MANBA: variants seen among roughly 807,000 people sequenced by gnomAD.
MANBA encodes the protein beta-mannosidase.
Under a neutral mutation model 111.1 loss-of-function variants are expected in MANBA, and 83 were observed. The ratio of observed to expected loss-of-function variants is 0.75; its 90% CI spans 0.63 to 0.90. The LOEUF (loss-of-function observed/expected upper bound fraction) is 0.90. Among genes scored for constraint, MANBA ranks in the 40% least tolerant of loss-of-function variants. The pLI is 0.00. For synonymous variants in MANBA, 370 were observed against 378.7 expected (o/e 0.98, Z 0.27); for missense variants, 1,036 against 1,069.0 (o/e 0.97, Z 0.43).
chr4:102,712,307 A>C (rs1722108213), intron 5 of MANBA, among the ~76,000 whole-genome samples: 1 of 152,196 alleles, frequency 6.6e-6, no homozygotes, highest in South Asian at 2.1e-4. Context: ...TAATTCATAT[A>C]AAATTCACTC....
At chr4:102,706,663 T>C (rs1353765152) in intron 5 of MANBA, among the ~76,000 whole-genome samples, 1 of 151,970 alleles carries the variant, frequency 6.6e-6, no homozygotes, top group Admixed American at 6.6e-5. Flanking sequence ...ATTAAAGACA[T>C]TCATTGAGAT....
intron 5 of MANBA, among the ~76,000 whole-genome samples, chr4:102,696,746 T>C (rs1732727253): frequency 6.6e-6 from 1 of 152,164 alleles, no homozygotes; most frequent in Admixed American, 6.6e-5. Context: ...GCTCCCCCTT[T>C]TGCAGGCTCT....
intron 4 of MANBA, among the ~76,000 whole-genome samples, chr4:102,721,867 A>G (rs1255926820): frequency 6.6e-6 from 1 of 151,878 alleles, no homozygotes; most frequent in East Asian, 1.9e-4. Context: ...GTCTCTACAA[A>G]AAAAATACAA....
At chr4:102,657,219 G>A (rs999737234) in intron 12 of MANBA, among the ~76,000 whole-genome samples, 2 of 90,464 alleles carry the variant, frequency 2.2e-5, no homozygotes, top group African/African-American at 7.8e-5. Flanking sequence ...GAGAGGAGTG[G>A]GGTGGGGGGG....
chr4:102,680,956 C>T (rs1731951008), intron 7 of MANBA, among the ~76,000 whole-genome samples: 1 of 152,170 alleles, frequency 6.6e-6, no homozygotes, highest in African/African-American at 2.4e-5. Context: ...CAATATAGGC[C>T]TATCTGACCA....
In MANBA at chr4:102,650,617, A is replaced by T; in HGVS notation, c.1789T>A (p.Tyr597Asn). Residue 597 changes from tyrosine to asparagine, a missense_variant, in exon 13 of 17, where the codon TAT (tyrosine) becomes AAT (asparagine). Transcript: ENST00000647097. ...HHEGGNKQML[Y>N]QAGLHFKLPQ... ...AGTTTGAAATGAAGTCCAGCCTGAT[A>T]AAGCATTTGTTTGTTACCACCTTCG... 1 of 1,613,494 alleles carries T rather than the reference A, an allele frequency of 6.2e-7. No individual in the cohort carries two copies. The highest frequency in any genetic ancestry group is 1.7e-5 in the Admixed American group (1 of 59,998).
At chr4:102,699,475 T>C (rs1462167261) in intron 5 of MANBA, among the ~76,000 whole-genome samples, 1 of 151,344 alleles carries the variant, frequency 6.6e-6, no homozygotes, top group African/African-American at 2.4e-5. Flanking sequence ...GCCCATTCAG[T>C]ATGATATTGG....
Position 102,668,973 on chromosome 4 carries a change from A to C in MANBA, c.1307T>G (p.Val436Gly). The change falls in exon 10 of 17, where the codon GTT (valine) becomes GGT (glycine). Residue 436 changes from valine (V) to glycine (G), a missense_variant. Coordinates refer to ENST00000647097, the MANE Select transcript of MANBA (RefSeq NM_005908.4). ...AGGGTAGTAACATACCTGGTAGGCA[A>C]CTTCTGCTGTCACTGAATCCAGGAA... ...QGFLDSVTAE[V>G]AYQIKRLKSH... 6.2e-7 allele frequency: 1 copy of C among 1,612,598 alleles called. No homozygotes were observed. The highest frequency in any genetic ancestry group is 8.5e-7 in the Non-Finnish European group (1 of 1,178,746).
chr4:102,692,386 T>A (rs946434171), intron 5 of MANBA, among the ~76,000 whole-genome samples: 2 of 151,976 alleles, frequency 1.3e-5, no homozygotes, highest in African/African-American at 4.8e-5. Context: ...TTCGAAGAGG[T>A]TTTGAAGTAG....
At chr4:102,709,350 GGAAGAAAAGAAAAGAA>G in intron 5 of MANBA, among the ~76,000 whole-genome samples, 1 of 130,890 alleles carries the variant, frequency 7.6e-6, no homozygotes, top group African/African-American at 3.0e-5. Context: ...AAGGAAGGAA[GGAAGAAAAGAAAAGAA>G]AAAGAAAGGA....
chr4:102,709,326 AAAAG>A (rs572653241), intron 5 of MANBA, among the ~76,000 whole-genome samples: 3 of 119,858 alleles, frequency 2.5e-5, no homozygotes, highest in East Asian at 2.1e-4. Flanking sequence ...AAAGAAAAGA[AAAAG>A]AAAGGAAGGA....
chr4:102,742,910 A>T (rs1249627136), intron 1 of MANBA, among the ~76,000 whole-genome samples: 1 of 89,220 alleles, frequency 1.1e-5, no homozygotes, highest in Non-Finnish European at 2.2e-5. Flanking sequence ...GCTGCTGGCA[A>T]ATTGGACACT....
intron 1 of MANBA, chr4:102,729,465 C>A: frequency 3.1e-6 from 4 of 1,280,916 alleles, no homozygotes; most frequent in Non-Finnish European, 3.4e-6. Flanking sequence ...AGATCTGGGA[C>A]TGCAGCTCCT....
At chr4:102,636,159 G>A (rs1174441029) in intron 14 of MANBA, 152 bp from the exon 15 acceptor site, 9 of 706,236 alleles carry the variant, frequency 1.3e-5, no homozygotes, top group African/African-American at 7.0e-5. Context: ...TTTGTGAAGC[G>A]CTCTGAGCAC....
rs184840251 is a variant in MANBA, at chr4:102,731,996, C to T, written c.178-5313G>A. 2.9e-3 allele frequency among the ~76,000 whole-genome samples: 445 copies of T among 152,214 alleles called. 2 individuals are homozygous for T. The highest frequency in any genetic ancestry group is 4.5e-3 in the Non-Finnish European group (306 of 68,026). ...AATCCCAGCTCACTGCAACTTCAGC[C>T]TCCCAGGTTCAAGCGATTCTCCTGC... On this transcript the variant is annotated intron_variant, in intron 1 of 16. Coordinates refer to ENST00000647097, the MANE Select transcript of MANBA (RefSeq NM_005908.4).
At chr4:102,667,957 G>A (rs1050608244) in intron 10 of MANBA, 1 of 152,152 alleles carries the variant, frequency 6.6e-6, no homozygotes, top group Non-Finnish European at 1.5e-5. Context: ...CATTTCCAAT[G>A]GATGCTAATG....
chr4:102,672,626 G>A (rs1731543266), intron 8 of MANBA, among the ~76,000 whole-genome samples: 1 of 152,130 alleles, frequency 6.6e-6, no homozygotes. Context: ...CCCAGGCCAC[G>A]GACTGGACCA....
At chr4:102,688,528 G>A (rs1223107441) in intron 7 of MANBA, among the ~76,000 whole-genome samples, 1 of 152,084 alleles carries the variant, frequency 6.6e-6, no homozygotes, top group East Asian at 1.9e-4. Flanking sequence ...CACAGGAGAG[G>A]AAATACCAAA....
At chr4:102,759,703 A>G (rs950968696) in intron 1 of MANBA, among the ~76,000 whole-genome samples, 1 of 152,186 alleles carries the variant, frequency 6.6e-6, no homozygotes, top group Non-Finnish European at 1.5e-5. Flanking sequence ...TGATTTTTTA[A>G]AACACCAAAC....
Sources: gnomAD v4.1 joint callset for allele counts (sites outside exome capture counted in the v4.1 genomes callset) on GRCh38, gnomAD v4.1.1 for gene constraint, MANE v1.5 for transcripts, NCBI Gene and HGNC (gene_info 2026-07-23, HGNC 2026-07-21) for gene names.